Variants in PLAC1 observed in about 807,000 individuals in gnomAD.
PLAC1 encodes the protein placenta associated 1, also known as placenta-specific protein 1.
For missense variants in PLAC1, 136 were observed against 163.2 expected (o/e 0.83, Z 0.91); for synonymous variants, 68 against 62.1 (o/e 1.09, Z -0.44).
chrX:134,665,071 A>AGTGTGTGTGTGT lies in PLAC1; in HGVS notation n.175-62961_175-62950dup, dbSNP rs59815179. ...TTAATTGCAAGCTTTGTGATTTTGG[A>AGTGTGTGTGTGT]GTGTGTGTGTGTGTGTGTGTGTGTA... On this transcript the variant is annotated intron_variant and non_coding_transcript_variant, in intron 2 of 2. Coordinates refer to the PLAC1 transcript ENST00000466797. 2.2e-3 allele frequency among the ~76,000 whole-genome samples: 230 copies of AGTGTGTGTGTGT among 103,846 alleles called. 1 individual carries two copies. The highest frequency in any genetic ancestry group is 7.8e-3 in the African/African-American group (221 of 28,428). 90.2% of individuals were successfully genotyped at this position (103,846 alleles called of 115,157 possible).
intron 2 of PLAC1, among the ~76,000 whole-genome samples, chrX:134,579,742 G>A (rs4503254): frequency 0.25 from 28,122 of 110,546 alleles, 3,131 homozygotes; most frequent in South Asian, 0.47. Context: ...CCAGCTGAGC[G>A]GTGGTTTGTG....
At chrX:134,699,725 G>C (rs2078576253) in intron 2 of PLAC1, among the ~76,000 whole-genome samples, 1 of 112,251 alleles carries the variant, frequency 8.9e-6, no homozygotes, top group Non-Finnish European at 1.9e-5. Context: ...CCCTTCTAGA[G>C]TCCTGACCCT....
intron 2 of PLAC1, among the ~76,000 whole-genome samples, chrX:134,702,312 A>G (rs1022432917): frequency 4.2e-4 from 47 of 112,569 alleles, no homozygotes; most frequent in African/African-American, 1.5e-3. Flanking sequence ...TCATTGCAGC[A>G]CTATTCACAA....
intron 2 of PLAC1, among the ~76,000 whole-genome samples, chrX:134,669,892 G>C (rs962980580): frequency 1.7e-4 from 19 of 112,028 alleles, no homozygotes; most frequent in Non-Finnish European, 3.2e-4. Flanking sequence ...TGGCCATGGG[G>C]CTTGCCCTGG....
chrX:134,587,082 T>A (rs1276439805), intron 2 of PLAC1, among the ~76,000 whole-genome samples: 1 of 110,357 alleles, frequency 9.1e-6, no homozygotes, highest in African/African-American at 3.3e-5. Flanking sequence ...GGCTTCACAG[T>A]GTTCTGAGGT....
chrX:134,713,502 T>C (rs1302368736), intron 2 of PLAC1, among the ~76,000 whole-genome samples: 1 of 111,952 alleles, frequency 8.9e-6, no homozygotes, highest in Non-Finnish European at 1.9e-5. Flanking sequence ...GCATTTGCTT[T>C]AAAATGTGCC....
upstream of PLAC1, among the ~76,000 whole-genome samples, chrX:134,663,449 C>T (rs377364165): frequency 1.8e-4 from 16 of 88,561 alleles, no homozygotes; most frequent in African/African-American, 4.3e-4. Context: ...TGTGTGTGTG[C>T]GCGCACGCGC....
intron 1 of PLAC1, among the ~76,000 whole-genome samples, chrX:134,763,233 G>T (rs1276239211): frequency 2.7e-5 from 3 of 111,564 alleles, no homozygotes; most frequent in African/African-American, 9.8e-5. Flanking sequence ...CACTTCACCA[G>T]CTAGGGCTTT....
intron 2 of PLAC1, among the ~76,000 whole-genome samples, chrX:134,699,367 A>G: frequency 9.0e-6 from 1 of 111,623 alleles, no homozygotes; most frequent in Non-Finnish European, 1.9e-5. Context: ...CCTCCAGAGG[A>G]TGCAGCAATA....
chrX:134,608,956 G>C (rs186260780), intron 1 of PLAC1, among the ~76,000 whole-genome samples: 2 of 104,580 alleles, frequency 1.9e-5, no homozygotes, highest in Non-Finnish European at 3.9e-5. Flanking sequence ...TTACAGGAGT[G>C]AGCCACCGTG....
chrX:134,621,353 G>A (rs1405512294), intron 1 of PLAC1, among the ~76,000 whole-genome samples: 1 of 102,345 alleles, frequency 9.8e-6, no homozygotes, highest in Non-Finnish European at 2.0e-5. Context: ...GGCTGAGGCA[G>A]GAGAATCGCT....
At chrX:134,618,244 C>A (rs1029689921) in intron 1 of PLAC1, among the ~76,000 whole-genome samples, 12 of 112,041 alleles carry the variant, frequency 1.1e-4, no homozygotes, top group African/African-American at 3.9e-4. Context: ...CATGGATGGA[C>A]CACTGAGCAT....
At chrX:134,651,036 A>G in intron 1 of PLAC1, 1 of 256,499 alleles carries the variant, frequency 3.9e-6, no homozygotes, top group Non-Finnish European at 8.1e-6. Context: ...TTCTCGACTG[A>G]AATCTTCCCA....
chrX:134,659,052 T>C (rs886567698), upstream of PLAC1, among the ~76,000 whole-genome samples: 1 of 110,232 alleles, frequency 9.1e-6, no homozygotes, highest in African/African-American at 3.3e-5. Context: ...TGTGGCCTCT[T>C]GGGGGGCTGT....
chrX:134,702,216 A>G (rs375945013), intron 2 of PLAC1, among the ~76,000 whole-genome samples: 2 of 112,247 alleles, frequency 1.8e-5, no homozygotes. Flanking sequence ...CAGAACTACC[A>G]TTTATTTGTC....
At position 134,595,043 on chromosome X, in the gene PLAC1, T is replaced by C. The variant is rs901651601; in HGVS notation, c.-59+7008A>G. Among the ~76,000 whole-genome samples, 8 of 109,949 alleles carry C rather than the reference T, an allele frequency of 7.3e-5. No individual in the cohort carries two copies. The Admixed American group carries it at 7.9e-4, about 11-fold the overall frequency. On this transcript the variant is annotated intron_variant, in intron 2 of 2. Coordinates refer to ENST00000359237, the MANE Select transcript of PLAC1 (RefSeq NM_021796.4). ...TGGCTTTTACTGTGTCCCACAAATT[T>C]TGAAATATTATAGTTTTATTTTCAA...
chrX:134,633,369 A>G (rs2078270471), intron 1 of PLAC1, among the ~76,000 whole-genome samples: 1 of 112,270 alleles, frequency 8.9e-6, no homozygotes, highest in Non-Finnish European at 1.9e-5. Context: ...GACCTCCTGC[A>G]AAGGTCAGGT....
chrX:134,566,130 C>T lies in PLAC1; in HGVS notation c.553G>A (p.Glu185Lys). 2.5e-6 allele frequency: 3 copies of T among 1,209,982 alleles called. No homozygotes were observed. Among genetic ancestry groups the T allele is most frequent in the Non-Finnish European group, 3.4e-6 (3 of 893,824 alleles). ...TGAGATGGCTGCAGAGGTTGAGCCT[C>T]CTGAGCCCCTGCTTGGTGACAAGGG... ...QVPCHQAGAQ[E>K]AQPLQPSHFL... The change falls in exon 3 of 3, where the codon GAG (glutamate) becomes AAG (lysine). Residue 185 changes from glutamate to lysine, a missense_variant. By Grantham distance (56) the Glu-to-Lys change is moderately conservative. Coordinates refer to ENST00000359237, the MANE Select transcript of PLAC1 (RefSeq NM_021796.4).
chrX:134,701,046 G>T (rs1163383290), intron 2 of PLAC1, among the ~76,000 whole-genome samples: 2 of 111,849 alleles, frequency 1.8e-5, no homozygotes, highest in Non-Finnish European at 3.8e-5. Flanking sequence ...ATACTATAAG[G>T]CTACAGTAAT....
Sources: gnomAD v4.1 joint callset for allele counts (sites outside exome capture counted in the v4.1 genomes callset) on GRCh38, gnomAD v4.1.1 for gene constraint, MANE v1.5 for transcripts, NCBI Gene and HGNC (gene_info 2026-07-23, HGNC 2026-07-21) for gene names.